Variants in SERPINI2 observed in about 807,000 individuals in gnomAD.
The protein encoded by SERPINI2 is serpin family I member 2.
SERPINI2 carries 48 observed loss-of-function variants against 47.3 expected under a neutral mutation model. That is an observed-to-expected ratio of 1.02 (90% CI 0.81 to 1.29). SERPINI2 has a LOEUF of 1.29. SERPINI2 is among the 50% of genes most tolerant of loss of function. SERPINI2 has a pLI of 0.00. For missense variants in SERPINI2, 448 were observed against 456.9 expected (o/e 0.98, Z 0.18); for synonymous variants, 135 against 149.3 (o/e 0.90, Z 0.70).
At chr3:167,442,141 C>T (rs750256879) in exon 9 of SERPINI2, 18 of 1,601,828 alleles carry the variant, frequency 1.1e-5, no homozygotes, top group Non-Finnish European at 1.5e-5. Context: ...CCTTTTATCT[C>T]CTGGGTGTCA....
chr3:167,459,166 C>T (rs1749908879), intron 5 of SERPINI2, among the ~76,000 whole-genome samples: 1 of 151,176 alleles, frequency 6.6e-6, no homozygotes, highest in African/African-American at 2.4e-5. Flanking sequence ...GCTCCGCCTC[C>T]CGGGTTCACG....
exon 2 of SERPINI2, chr3:167,471,726 C>G: frequency 6.2e-7 from 1 of 1,613,574 alleles, no homozygotes; most frequent in Non-Finnish European, 8.5e-7. Flanking sequence ...GATAAGGAAA[C>G]CTCTTGATAA....
At chr3:167,474,459 A>G (rs1255842474), upstream of SERPINI2, among the ~76,000 whole-genome samples, 1 of 151,758 alleles carries the variant, frequency 6.6e-6, no homozygotes, top group Non-Finnish European at 1.5e-5. Context: ...CAAGTCCAGA[A>G]TACAGAGACA....
intron 1 of SERPINI2, 60 bp from the exon 2 acceptor site, chr3:167,471,904 A>T (rs1386718001): frequency 6.8e-6 from 9 of 1,314,012 alleles, no homozygotes; most frequent in Non-Finnish European, 7.4e-6. Context: ...CAGAGAGCTC[A>T]ACAGAAAACT....
chr3:167,451,057 C>T (rs1420481730), intron 6 of SERPINI2, among the ~76,000 whole-genome samples: 1 of 152,104 alleles, frequency 6.6e-6, no homozygotes, highest in Non-Finnish European at 1.5e-5. Flanking sequence ...AACAAGAAAA[C>T]AATACGTTTG....
chr3:167,470,765 C>T (rs1750292371), intron 2 of SERPINI2, among the ~76,000 whole-genome samples: 1 of 151,642 alleles, frequency 6.6e-6, no homozygotes, highest in African/African-American at 2.4e-5. Context: ...GAACTCCTGA[C>T]CTCAAGTGAT....
intron 5 of SERPINI2, among the ~76,000 whole-genome samples, chr3:167,460,578 T>C (rs6772185): frequency 0.091 from 13,793 of 152,246 alleles, 647 homozygotes; most frequent in Non-Finnish European, 0.11. Flanking sequence ...GCTGTATTAG[T>C]GTGATTAAAC....
At chr3:167,476,484 G>A (rs1750481384), upstream of SERPINI2, among the ~76,000 whole-genome samples, 1 of 151,998 alleles carries the variant, frequency 6.6e-6, no homozygotes, top group African/African-American at 2.4e-5. Context: ...GTTAATTAAG[G>A]ATGGAATTAG....
intron 5 of SERPINI2, among the ~76,000 whole-genome samples, chr3:167,456,021 T>C (rs1198555381): frequency 6.6e-6 from 1 of 152,106 alleles, no homozygotes; most frequent in Non-Finnish European, 1.5e-5. Context: ...TGTTCAGAGC[T>C]GGAACCAACC....
intron 5 of SERPINI2, among the ~76,000 whole-genome samples, chr3:167,463,593 G>A (rs1375556689): frequency 6.6e-6 from 1 of 152,142 alleles, no homozygotes; most frequent in Non-Finnish European, 1.5e-5. Context: ...CAGAAAAAAA[G>A]GGATGGTTAA....
chr3:167,463,424 G>C (rs1577175559), intron 5 of SERPINI2, among the ~76,000 whole-genome samples: 1 of 152,234 alleles, frequency 6.6e-6, no homozygotes, highest in East Asian at 1.9e-4. Flanking sequence ...TTCTGAGAGA[G>C]AGTAAGAGGA....
chr3:167,459,222 C>T (rs923638830), intron 5 of SERPINI2, among the ~76,000 whole-genome samples: 1 of 151,692 alleles, frequency 6.6e-6, no homozygotes, highest in Non-Finnish European at 1.5e-5. Context: ...CTACAGGCGC[C>T]CGCCACTATG....
At chr3:167,442,226 A>G in intron 8 of SERPINI2, 41 bp from the exon 9 acceptor site, 1 of 1,401,450 alleles carries the variant, frequency 7.1e-7, no homozygotes, top group South Asian at 1.3e-5. Context: ...TAGGAATTTC[A>G]GGAGAAAACA....
chr3:167,452,143 A>G (rs1749657877), intron 6 of SERPINI2, among the ~76,000 whole-genome samples: 1 of 152,232 alleles, frequency 6.6e-6, no homozygotes, highest in Non-Finnish European at 1.5e-5. Flanking sequence ...AAATAAATAC[A>G]TAAAACATTT....
intron 2 of SERPINI2, 136 bp downstream of exon 2, chr3:167,471,452 T>G (rs530765187): frequency 1.3e-6 from 1 of 795,974 alleles, no homozygotes; most frequent in Admixed American, 2.9e-5. Flanking sequence ...CATTTACAAT[T>G]CTCCATTTTA....
chr3:167,471,626 T>C lies in SERPINI2; in HGVS notation c.209A>G (p.Gln70Arg). ...CTGTTGTTTTAAAGTTTGTCTTATC[T>C]GCTGCTGTGCTTTTCCTTTGGCTCC... Residue 70 changes from glutamine to arginine, a missense_variant, in exon 2 of 9, where the codon CAG (glutamine) becomes CGG (arginine). Physicochemically the swap from Gln to Arg is conservative, Grantham distance 43. Transcript: ENST00000264677. The C allele has an allele frequency of 1.9e-6, 3 of 1,613,640 alleles. No individual in the cohort carries two copies. The South Asian group carries it at 3.3e-5, about 18-fold the overall frequency.
intron 7 of SERPINI2, among the ~76,000 whole-genome samples, chr3:167,447,987 A>G (rs545423351): frequency 6.6e-6 from 1 of 152,368 alleles, no homozygotes; most frequent in African/African-American, 2.4e-5. Context: ...CAATTTTTAT[A>G]TATTTATCAG....
chr3:167,457,072 G>T (rs746250815), intron 5 of SERPINI2, among the ~76,000 whole-genome samples: 1 of 152,252 alleles, frequency 6.6e-6, no homozygotes, highest in East Asian at 1.9e-4. Context: ...TTGACAAAAG[G>T]TACTGTGAGG....
At chr3:167,449,034 A>G (rs1163300681) in intron 7 of SERPINI2, among the ~76,000 whole-genome samples, 2 of 152,222 alleles carry the variant, frequency 1.3e-5, no homozygotes, top group Non-Finnish European at 2.9e-5. Context: ...TTTTATCCAC[A>G]AGTCCTATCT....
Sources: allele counts gnomAD v4.1 joint callset (sites outside exome capture counted in the v4.1 genomes callset), GRCh38; gene constraint gnomAD v4.1.1; transcripts MANE v1.5; gene names NCBI Gene and HGNC (gene_info 2026-07-23, HGNC 2026-07-21).